Variants in SEPTIN9 observed in about 807,000 individuals in gnomAD.
SEPTIN9 encodes septin-9.
A neutral mutation model predicts 56.6 loss-of-function variants in SEPTIN9; 13 were observed. The observed-to-expected ratio is 0.23, with a 90% confidence interval of 0.15 to 0.37. The LOEUF (loss-of-function observed/expected upper bound fraction) is 0.37, where lower values mean the gene tolerates loss of function less well. SEPTIN9 is among the 10% of genes least tolerant of loss of function. SEPTIN9 has a pLI of 1.00. For synonymous variants in SEPTIN9, 332 were observed against 334.1 expected (o/e 0.99, Z 0.07); for missense variants, 650 against 823.1 (o/e 0.79, Z 2.57).
At chr17:77,388,027 T>C (rs1012171345) in intron 2 of SEPTIN9, among the ~76,000 whole-genome samples, 1 of 151,974 alleles carries the variant, frequency 6.6e-6, no homozygotes, top group Non-Finnish European at 1.5e-5. Context: ...TCTCAGCGCC[T>C]ACTCCTCCCT....
chr17:77,463,176 G>A lies in SEPTIN9; in HGVS notation c.722-18968G>A, dbSNP rs551876209. Among the ~76,000 whole-genome samples the A allele has an allele frequency of 2.6e-5, 4 of 152,292 alleles. No individual in the cohort carries two copies. The South Asian group carries it at 8.3e-4, about 32-fold the overall frequency. On this transcript the variant is annotated intron_variant, in intron 3 of 11. Coordinates refer to ENST00000427177, the MANE Select transcript of SEPTIN9 (RefSeq NM_001113491.2). ...ATGATCTACTTCAGAGAAGGGGCAG[G>A]TCAGTGAGTTCTTCTTGGACCTGCC...
intron 2 of SEPTIN9, among the ~76,000 whole-genome samples, chr17:77,398,767 C>T (rs1292345480): frequency 6.6e-6 from 1 of 152,180 alleles, no homozygotes; most frequent in Non-Finnish European, 1.5e-5. Context: ...CTAGAACAAA[C>T]TCGCCTTTGA....
intron 2 of SEPTIN9, among the ~76,000 whole-genome samples, chr17:77,315,909 A>G (rs1004778811): frequency 4.6e-5 from 7 of 152,112 alleles, no homozygotes; most frequent in Non-Finnish European, 8.8e-5. Context: ...TGCCCACTCC[A>G]GGGTGTGGGC....
At chr17:77,315,243 A>G (rs1479540466) in intron 2 of SEPTIN9, among the ~76,000 whole-genome samples, 2 of 151,732 alleles carry the variant, frequency 1.3e-5, no homozygotes, top group Non-Finnish European at 2.9e-5. Flanking sequence ...CTTGAAAAAG[A>G]AGCAGTTCCT....
At chr17:77,484,739 G>A (rs1282655291) in intron 4 of SEPTIN9, among the ~76,000 whole-genome samples, 1 of 68,598 alleles carries the variant, frequency 1.5e-5, no homozygotes, top group Admixed American at 1.3e-4. Flanking sequence ...TGTGATGGTG[G>A]TGGTGGTGGT....
At position 77,487,217 on chromosome 17, in the gene SEPTIN9, G is replaced by A. The variant is rs1249366614; in HGVS notation, c.914-207G>A. ...CTGGGTTGTGCTGGCATCAGAGCCC[G>A]GCTGTGTGGGTTTACACAGTCACTG... On this transcript the variant is annotated intron_variant, in intron 4 of 11. Transcript: ENST00000427177. The surrounding 1 kb of genome is among the most constrained non-coding windows in gnomAD (Gnocchi z 4.3). Among the ~76,000 whole-genome samples the A allele has an allele frequency of 2.0e-5, 3 of 152,326 alleles. No homozygotes were observed. Among genetic ancestry groups the A allele is most frequent in the South Asian group, 2.1e-4 (1 of 4,830 alleles).
At position 77,475,567 on chromosome 17, in the gene SEPTIN9, C is replaced by T. The variant is rs1489472473; in HGVS notation, c.722-6577C>T. The T allele has an allele frequency of 6.2e-7, 1 of 1,613,280 alleles. No individual in the cohort carries two copies. The highest frequency in any genetic ancestry group is 1.7e-5 in the Admixed American group (1 of 59,994). On this transcript the variant is annotated intron_variant, in intron 3 of 11. Coordinates refer to ENST00000427177, the MANE Select transcript of SEPTIN9 (RefSeq NM_001113491.2). This position sits in a 1 kb window ranked among gnomAD's most constrained non-coding sequence, Gnocchi z 4.6. ...CCTGCAGGTGGCCGTAGGGCTGCCG[C>T]AGGGGTGCTGGCCCCAGGGTCTGGA...
intron 3 of SEPTIN9, chr17:77,446,798 C>G (rs1031277497): frequency 6.0e-6 from 1 of 167,082 alleles, no homozygotes; most frequent in Non-Finnish European, 1.5e-5. Context: ...ACCCTAGGGG[C>G]CTGTGGTGTA....
chr17:77,412,713 G>A (rs945413404), intron 3 of SEPTIN9, among the ~76,000 whole-genome samples: 8 of 151,902 alleles, frequency 5.3e-5, no homozygotes, highest in South Asian at 2.1e-4. Flanking sequence ...GTGACAGAGT[G>A]AGATCCTGTC....
Position 77,498,708 on chromosome 17 carries a change from C to CA in SEPTIN9, c.*50_*51insA. On this transcript the variant is annotated 3_prime_UTR_variant, in exon 12 of 12. Transcript: ENST00000427177. ...TCCTGCCCCCAAGTCATTTCCGTCC[C>CA]CCCCCAGGCCCTCCCACCACCCCAT... The CA allele has an allele frequency of 1.7e-6, 2 of 1,145,286 alleles. No homozygotes were observed. Among genetic ancestry groups the CA allele is most frequent in the East Asian group, 2.6e-5 (1 of 37,906 alleles). 70.9% of individuals were successfully genotyped at this position (1,145,286 alleles called of 1,614,324 possible).
In SEPTIN9 at chr17:77,281,569, C is replaced by G; in HGVS notation, c.19+15C>G. 1.3e-6 allele frequency: 2 copies of G among 1,538,348 alleles called. No homozygotes were observed. Among genetic ancestry groups the G allele is most frequent in the Non-Finnish European group, 1.8e-6 (2 of 1,141,812 alleles). ...GTCTTACTCAGGTGGGCTTCGCGCC[C>G]GGGGTGGGGAGGGGTCGGTGTCCCG... On this transcript the variant is annotated intron_variant, in intron 1 of 11. Transcript: ENST00000427177.
intron 2 of SEPTIN9, among the ~76,000 whole-genome samples, chr17:77,340,322 G>A (rs917403013): frequency 6.6e-6 from 1 of 151,014 alleles, no homozygotes; most frequent in African/African-American, 2.4e-5. Context: ...TGTATTTTTA[G>A]TAGAGATGCG....
At chr17:77,382,427 G>A (rs900163718) in intron 2 of SEPTIN9, among the ~76,000 whole-genome samples, 6 of 152,190 alleles carry the variant, frequency 3.9e-5, no homozygotes, top group Non-Finnish European at 8.8e-5. Flanking sequence ...GTGGGGGAGA[G>A]GGCTGTTGGT....
chr17:77,392,848 T>C (rs1462117276), intron 2 of SEPTIN9, among the ~76,000 whole-genome samples: 1 of 152,130 alleles, frequency 6.6e-6, no homozygotes. Context: ...GGGGCCGCCC[T>C]CCACTGACAC....
rs2034353852 is a variant in SEPTIN9, at chr17:77,359,653, G to T, written c.77-42406G>T. Among the ~76,000 whole-genome samples, 5 of 152,244 alleles carry T rather than the reference G, an allele frequency of 3.3e-5. No individual in the cohort carries two copies. In the South Asian group the frequency reaches 1.0e-3, roughly 32 times the overall value. ...GCAAAAAAATATAAAATGTAGCTGAGTGTGGTGGCACCTGTAGACCCAGCC... is the reference window on the plus strand; with the variant it reads ...GCAAAAAAATATAAAATGTAGCTGATTGTGGTGGCACCTGTAGACCCAGCC... On this transcript the variant is annotated intron_variant, in intron 2 of 11. Coordinates refer to ENST00000427177, the MANE Select transcript of SEPTIN9 (RefSeq NM_001113491.2).
chr17:77,354,187 C>T (rs1330272778), intron 2 of SEPTIN9, among the ~76,000 whole-genome samples: 1 of 152,196 alleles, frequency 6.6e-6, no homozygotes, highest in Non-Finnish European at 1.5e-5. Context: ...GTTCTCAGCA[C>T]TTTACAAATA....
At chr17:77,468,905 G>A (rs1292148353) in intron 3 of SEPTIN9, among the ~76,000 whole-genome samples, 1 of 152,172 alleles carries the variant, frequency 6.6e-6, no homozygotes, top group Non-Finnish European at 1.5e-5. Context: ...GCCCAGGCCC[G>A]GCCCCTGGAG....
At chr17:77,472,003 A>T (rs937367104) in intron 3 of SEPTIN9, among the ~76,000 whole-genome samples, 9 of 151,826 alleles carry the variant, frequency 5.9e-5, no homozygotes, top group South Asian at 2.1e-4. Context: ...CAGAGGATTC[A>T]TCCTTGGCCT....
intron 3 of SEPTIN9, among the ~76,000 whole-genome samples, chr17:77,455,654 G>C (rs2038165515): frequency 6.6e-6 from 1 of 152,222 alleles, no homozygotes; most frequent in Non-Finnish European, 1.5e-5. Context: ...GGGGCCCCCA[G>C]CGGGCGGGGT....
Sources: allele counts gnomAD v4.1 joint callset (sites outside exome capture counted in the v4.1 genomes callset), GRCh38; gene constraint gnomAD v4.1.1; non-coding constraint Gnocchi (gnomAD v3.1); transcripts MANE v1.5; gene names NCBI Gene and HGNC (gene_info 2026-07-23, HGNC 2026-07-21).